The following PTPRO variants were observed in gnomAD, a reference collection of about 807,000 sequenced individuals.
PTPRO encodes the protein receptor-type tyrosine-protein phosphatase O.
PTPRO carries 62 observed loss-of-function variants against 145.2 expected under a neutral mutation model. That is an observed-to-expected ratio of 0.43 (90% CI 0.35 to 0.53). The LOEUF (loss-of-function observed/expected upper bound fraction) is 0.53, where lower values mean the gene tolerates loss of function less well. Among genes scored for constraint, PTPRO ranks in the 20% least tolerant of loss-of-function variants. The probability of loss-of-function intolerance (pLI) is 0.01; values close to 1 mark genes in which losing one functional copy is unlikely to be tolerated. For synonymous variants in PTPRO, 565 were observed against 514.7 expected (o/e 1.10, Z -1.32); for missense variants, 1,345 against 1,482.7 (o/e 0.91, Z 1.53).
chr12:15,396,468 GA>G (rs5796633), intron 1 of PTPRO, among the ~76,000 whole-genome samples: 11,111 of 151,760 alleles, frequency 0.073, 439 homozygotes, highest in African/African-American at 0.097. Context: ...TGGAGTTATT[GA>G]AAAAAAATTG....
At chr12:15,424,576 G>T (rs1003791572) in intron 1 of PTPRO, among the ~76,000 whole-genome samples, 1 of 151,976 alleles carries the variant, frequency 6.6e-6, no homozygotes, top group Admixed American at 6.6e-5. Context: ...ATGATTAAAC[G>T]AATCAGGAGA....
At chr12:15,430,206 A>T (rs1940395546) in intron 1 of PTPRO, among the ~76,000 whole-genome samples, 1 of 151,776 alleles carries the variant, frequency 6.6e-6, no homozygotes, top group Non-Finnish European at 1.5e-5. Flanking sequence ...AGGAGTCCCT[A>T]CAGAGATAGC....
intron 17 of PTPRO, among the ~76,000 whole-genome samples, chr12:15,562,393 C>T (rs1315391582): frequency 6.6e-6 from 1 of 152,124 alleles, no homozygotes; most frequent in Non-Finnish European, 1.5e-5. Context: ...ACAACAGCTG[C>T]AAATAACAAG....
intron 1 of PTPRO, among the ~76,000 whole-genome samples, chr12:15,372,484 C>T (rs948803047): frequency 3.9e-5 from 6 of 152,166 alleles, no homozygotes; most frequent in Admixed American, 2.6e-4. Flanking sequence ...TATGTGGCAG[C>T]GAAAATGCAA....
intron 11 of PTPRO, among the ~76,000 whole-genome samples, 193 bp from the exon 12 acceptor site, chr12:15,525,949 G>A (rs537381604): frequency 3.2e-4 from 48 of 152,196 alleles, no homozygotes; most frequent in African/African-American, 1.0e-3. Flanking sequence ...CATTATTAAG[G>A]CTACCTCACA....
intron 1 of PTPRO, among the ~76,000 whole-genome samples, chr12:15,358,265 G>A (rs1190086594): frequency 1.4e-5 from 2 of 147,744 alleles, no homozygotes; most frequent in African/African-American, 2.5e-5. Flanking sequence ...GATAGCATTA[G>A]GAGATATACC....
chr12:15,529,849 G>A (rs999998126), intron 12 of PTPRO, among the ~76,000 whole-genome samples: 5 of 152,050 alleles, frequency 3.3e-5, no homozygotes, highest in South Asian at 2.1e-4. Context: ...GCAACAAAAC[G>A]GCAGTAGTAA....
intron 2 of PTPRO, among the ~76,000 whole-genome samples, chr12:15,485,267 A>G (rs960387786): frequency 2.0e-5 from 3 of 152,156 alleles, no homozygotes; most frequent in Non-Finnish European, 4.4e-5. Flanking sequence ...AGTCCTAAAA[A>G]TTAGGAATGG....
At chr12:15,569,614 C>A in intron 19 of PTPRO, 116 bp downstream of exon 19, 2 of 916,462 alleles carry the variant, frequency 2.2e-6, no homozygotes, top group Non-Finnish European at 1.7e-6. Context: ...AGGGTATTGG[C>A]CTGGGGATTG....
At chr12:15,329,830 A>G (rs1023677940) in intron 1 of PTPRO, among the ~76,000 whole-genome samples, 16 of 152,182 alleles carry the variant, frequency 1.1e-4, no homozygotes, top group African/African-American at 2.9e-4. Context: ...ACACTTAACT[A>G]TTTAGTGGTT....
intron 1 of PTPRO, among the ~76,000 whole-genome samples, chr12:15,443,637 A>T (rs1940828725): frequency 1.3e-5 from 2 of 152,306 alleles, no homozygotes; most frequent in African/African-American, 2.4e-5. Context: ...ATGAAACTTA[A>T]ACAATTGAAC....
At chr12:15,381,970 T>C (rs539271648) in intron 1 of PTPRO, among the ~76,000 whole-genome samples, 15 of 152,132 alleles carry the variant, frequency 9.9e-5, no homozygotes, top group Middle Eastern at 3.4e-3. Flanking sequence ...TTGTGGAAGA[T>C]TATCTGAGCA....
chr12:15,439,621 G>A, intron 1 of PTPRO: 1 of 294,694 alleles, frequency 3.4e-6, no homozygotes, highest in South Asian at 3.3e-5. Flanking sequence ...TTTGGCAGTG[G>A]CATCTGGGCT....
chr12:15,553,985 G>A (rs28687748), intron 15 of PTPRO, among the ~76,000 whole-genome samples: 1,748 of 152,230 alleles, frequency 0.011, 40 homozygotes, highest in African/African-American at 0.04. Flanking sequence ...ACCTGAAGTC[G>A]GGAGTTCGAG....
At chr12:15,424,944 A>G (rs1940244054) in intron 1 of PTPRO, among the ~76,000 whole-genome samples, 1 of 152,130 alleles carries the variant, frequency 6.6e-6, no homozygotes, top group African/African-American at 2.4e-5. Flanking sequence ...TCAGGCATCA[A>G]GTGCTTTCTT....
intron 1 of PTPRO, among the ~76,000 whole-genome samples, chr12:15,397,791 T>A (rs1184244461): frequency 6.6e-6 from 1 of 152,174 alleles, no homozygotes; most frequent in Non-Finnish European, 1.5e-5. Context: ...GAGATATAGA[T>A]AAATGCATAA....
At chr12:15,537,081 T>C (rs1943081162) in intron 12 of PTPRO, among the ~76,000 whole-genome samples, 1 of 152,112 alleles carries the variant, frequency 6.6e-6, no homozygotes, top group African/African-American at 2.4e-5. Flanking sequence ...AGAGGTTTGA[T>C]TTATTAACTT....
intron 3 of PTPRO, 121 bp downstream of exon 3, chr12:15,497,524 G>A (rs1942132558): frequency 3.7e-6 from 4 of 1,080,830 alleles, no homozygotes; most frequent in Admixed American, 2.1e-5. Context: ...CTATAAATGA[G>A]CCATTAAAAA....
intron 7 of PTPRO, among the ~76,000 whole-genome samples, chr12:15,509,754 G>C (rs1942400503): frequency 6.6e-6 from 1 of 151,876 alleles, no homozygotes; most frequent in African/African-American, 2.4e-5. Context: ...CAACTGAAAA[G>C]AGCTTTGAAG....
Sources: gnomAD v4.1 joint callset for allele counts (sites outside exome capture counted in the v4.1 genomes callset) on GRCh38, gnomAD v4.1.1 for gene constraint, MANE v1.5 for transcripts, NCBI Gene and HGNC (gene_info 2026-07-23, HGNC 2026-07-21) for gene names.